The following KCNN2 variants were observed in gnomAD, a reference collection of about 807,000 sequenced individuals.
KCNN2 encodes small conductance calcium-activated potassium channel protein 2.
Under a neutral mutation model 55.5 loss-of-function variants are expected in KCNN2, and 24 were observed. The ratio of observed to expected loss-of-function variants is 0.43; its 90% CI spans 0.31 to 0.61. The LOEUF is 0.61. Among genes scored for constraint, KCNN2 ranks in the 20% least tolerant of loss-of-function variants. The probability of loss-of-function intolerance (pLI) is 0.08; values close to 1 mark genes in which losing one functional copy is unlikely to be tolerated. For missense variants in KCNN2, 754 were observed against 853.6 expected (o/e 0.88, Z 1.45); for synonymous variants, 431 against 336.1 (o/e 1.28, Z -3.09).
chr5:114,093,430 A>G lies in KCNN2; in HGVS notation c.-271+36930A>G, dbSNP rs189963079. ...CAAACTGTTCCAGCCTCTGCCTGTT[A>G]TCCAGTTCCAAAGTTGTTTTCACAT... On this transcript the variant is annotated intron_variant, in intron 1 of 10. Transcript: ENST00000512097. 1.9e-4 allele frequency among the ~76,000 whole-genome samples: 29 copies of G among 152,298 alleles called. No individual in the cohort carries two copies. In the East Asian group the frequency reaches 5.2e-3, roughly 27 times the overall value.
At chr5:114,467,266 G>A (rs1761496052) in intron 4 of KCNN2, among the ~76,000 whole-genome samples, 1 of 152,118 alleles carries the variant, frequency 6.6e-6, no homozygotes, top group South Asian at 2.1e-4. Context: ...GAAACCTAAG[G>A]TCTGATTATA....
At chr5:114,271,183 T>C (rs963674682) in intron 2 of KCNN2, among the ~76,000 whole-genome samples, 2 of 152,130 alleles carry the variant, frequency 1.3e-5, no homozygotes, top group Admixed American at 6.6e-5. Flanking sequence ...AGAGTGCTGA[T>C]TCGTGCGTTT....
chr5:114,255,105 C>T (rs1200236770), intron 2 of KCNN2, among the ~76,000 whole-genome samples: 1 of 152,068 alleles, frequency 6.6e-6, no homozygotes, highest in African/African-American at 2.4e-5. Context: ...TGCTTGATGA[C>T]AGTTACTATT....
At chr5:114,486,327 G>A (rs1747524322) in intron 5 of KCNN2, among the ~76,000 whole-genome samples, 1 of 152,180 alleles carries the variant, frequency 6.6e-6, no homozygotes, top group African/African-American at 2.4e-5. Context: ...CCCTTTATCA[G>A]CTCCCAGGAT....
At chr5:114,170,974 C>G (rs1753021475) in intron 1 of KCNN2, among the ~76,000 whole-genome samples, 1 of 151,958 alleles carries the variant, frequency 6.6e-6, no homozygotes, top group Admixed American at 6.6e-5. Context: ...GAGTGTATTT[C>G]ACTTTTGGCT....
At chr5:114,432,989 C>T (rs539454147) in intron 3 of KCNN2, among the ~76,000 whole-genome samples, 21 of 152,258 alleles carry the variant, frequency 1.4e-4, no homozygotes, top group African/African-American at 4.6e-4. Flanking sequence ...CCTGTGCGGC[C>T]GGAGCCTCCC....
chr5:114,089,707 AAAT>A, intron 1 of KCNN2, among the ~76,000 whole-genome samples: 1 of 152,314 alleles, frequency 6.6e-6, no homozygotes, highest in East Asian at 1.9e-4. Flanking sequence ...TGGGGTCTGA[AAAT>A]TGCTTTAGAC....
chr5:114,492,575 A>C (rs1747912197), intron 6 of KCNN2, among the ~76,000 whole-genome samples: 1 of 152,168 alleles, frequency 6.6e-6, no homozygotes. Context: ...ATAAAGTTAA[A>C]GAATAGCAGA....
At chr5:114,380,231 T>C (rs746557617) in intron 2 of KCNN2, among the ~76,000 whole-genome samples, 4 of 152,160 alleles carry the variant, frequency 2.6e-5, no homozygotes, top group Non-Finnish European at 5.9e-5. Flanking sequence ...TGTCAATTGT[T>C]GCCGTTTTCT....
intron 2 of KCNN2, among the ~76,000 whole-genome samples, chr5:114,290,318 T>C (rs2150017191): frequency 6.6e-6 from 1 of 152,248 alleles, no homozygotes; most frequent in East Asian, 1.9e-4. Context: ...CTCAAATCAG[T>C]TTTAGTAATT....
Position 114,246,240 on chromosome 5 carries a change from A to C in KCNN2, c.-185+24675A>C, listed in dbSNP as rs964515098. 5.3e-5 allele frequency among the ~76,000 whole-genome samples: 8 copies of C among 152,292 alleles called. No homozygotes were observed. The East Asian group carries it at 1.4e-3, about 26-fold the overall frequency. On this transcript the variant is annotated intron_variant, in intron 2 of 10. Transcript: ENST00000512097. ...GCCAAGAAATACTGATTTGTGCTTC[A>C]TTTTGTTTATTTGTACTCATAAAAA... is the stretch of plus-strand genomic sequence containing the variant.
At chr5:114,082,325 A>T (rs1369737493) in intron 1 of KCNN2, among the ~76,000 whole-genome samples, 4 of 142,318 alleles carry the variant, frequency 2.8e-5, no homozygotes, top group East Asian at 2.0e-4. Context: ...CCGTATCTTT[A>T]AAAAAAAAAA....
chr5:114,067,306 T>C (rs1448574517), intron 1 of KCNN2, among the ~76,000 whole-genome samples: 1 of 152,308 alleles, frequency 6.6e-6, no homozygotes, highest in South Asian at 2.1e-4. Context: ...TGCATTGAAA[T>C]CACCTGGCAA....
At chr5:114,428,813 A>C (rs1198995614) in intron 3 of KCNN2, among the ~76,000 whole-genome samples, 1 of 152,070 alleles carries the variant, frequency 6.6e-6, no homozygotes, top group Non-Finnish European at 1.5e-5. Flanking sequence ...CATATAGTTG[A>C]ATTCATAGAG....
intron 1 of KCNN2, among the ~76,000 whole-genome samples, chr5:114,140,710 G>A (rs1752259829): frequency 6.7e-6 from 1 of 148,944 alleles, no homozygotes; most frequent in Admixed American, 6.8e-5. Flanking sequence ...AACCAAAAAT[G>A]TTATCATTGA....
At chr5:114,337,554 A>G (rs376336790) in intron 2 of KCNN2, among the ~76,000 whole-genome samples, 2 of 152,316 alleles carry the variant, frequency 1.3e-5, no homozygotes, top group South Asian at 2.1e-4. Flanking sequence ...TGCATTCTCT[A>G]TGGCAGTATA....
chr5:114,430,233 A>G (rs1180901999), intron 3 of KCNN2, among the ~76,000 whole-genome samples: 1 of 152,078 alleles, frequency 6.6e-6, no homozygotes, highest in African/African-American at 2.4e-5. Context: ...AAATCTCAAC[A>G]ATTGTTAGCT....
intron 1 of KCNN2, 114 bp downstream of exon 1, chr5:114,363,375 G>T: frequency 1.5e-6 from 2 of 1,308,862 alleles, no homozygotes; most frequent in Non-Finnish European, 2.0e-6. Context: ...ACGATCAAGG[G>T]AGCCCGCCAG....
chr5:114,197,086 CCTT>C (rs1753572886), intron 1 of KCNN2, among the ~76,000 whole-genome samples: 1 of 151,944 alleles, frequency 6.6e-6, no homozygotes, highest in Non-Finnish European at 1.5e-5. Flanking sequence ...CCTTATGATT[CCTT>C]CTTTGACCAG....
Sources: allele counts gnomAD v4.1 joint callset (sites outside exome capture counted in the v4.1 genomes callset), GRCh38; gene constraint gnomAD v4.1.1; transcripts MANE v1.5; gene names NCBI Gene and HGNC (gene_info 2026-07-23, HGNC 2026-07-21).